RSAD2: variants seen among roughly 807,000 people sequenced by gnomAD.
RSAD2 encodes radical S-adenosyl methionine domain containing 2, also known as S-adenosylmethionine-dependent nucleotide dehydratase RSAD2.
RSAD2 carries 38 observed loss-of-function variants against 37.7 expected under a neutral mutation model. The observed-to-expected ratio is 1.01, with a 90% CI of 0.78 to 1.32. The LOEUF is 1.32. Among genes scored for constraint, RSAD2 ranks in the 40% most tolerant of loss-of-function variants. The pLI is 0.00. For synonymous variants in RSAD2, 163 were observed against 157.4 expected (o/e 1.04, Z -0.27); for missense variants, 428 against 437.5 (o/e 0.98, Z 0.19).
chr2:6,889,067 T>C (rs911799792), intron 3 of RSAD2, among the ~76,000 whole-genome samples: 6 of 152,226 alleles, frequency 3.9e-5, no homozygotes. Flanking sequence ...TCCTACGGCT[T>C]GCTTTTCTCC....
At position 6,896,028 on chromosome 2, in the gene RSAD2, T is replaced by C; in HGVS notation, c.*86T>C. 1 of 1,354,820 alleles carries C rather than the reference T, an allele frequency of 7.4e-7. No individual in the cohort carries two copies. The highest frequency in any genetic ancestry group is 1.0e-6 in the Non-Finnish European group (1 of 990,098). The allele number at this position is 1,354,820 out of a possible 1,614,324, so 83.9% of individuals were successfully genotyped here. On this transcript the variant is annotated 3_prime_UTR_variant, in exon 6 of 6. Transcript: ENST00000382040. ...TGTCTGCAATACTATCCCGTTGGTATTTCCCAGTGGCTGAAAACCTGATTT... is the reference window on the plus strand; with the variant it reads ...TGTCTGCAATACTATCCCGTTGGTACTTCCCAGTGGCTGAAAACCTGATTT...
intron 1 of RSAD2, among the ~76,000 whole-genome samples, chr2:6,867,117 A>T (rs1412635266): frequency 6.6e-6 from 1 of 152,220 alleles, no homozygotes; most frequent in African/African-American, 2.4e-5. Context: ...CTAAGACAGT[A>T]CTGCATCCTC....
At chr2:6,875,189 A>G (rs1663261572), upstream of RSAD2, among the ~76,000 whole-genome samples, 1 of 152,166 alleles carries the variant, frequency 6.6e-6, no homozygotes, top group South Asian at 2.1e-4. Context: ...AGCCCTATGC[A>G]CTGTTTTCAA....
rs117622516 is a variant in RSAD2, at chr2:6,871,329, G to T, written c.142+5284G>T. Among the ~76,000 whole-genome samples the T allele has an allele frequency of 1.4e-3, 217 of 152,086 alleles. 5 individuals carry two copies. In the East Asian group the frequency reaches 0.039, roughly 27 times the overall value. On this transcript the variant is annotated intron_variant, in intron 1 of 5. Coordinates refer to the RSAD2 transcript ENST00000442639. ...CTTCATTCCCTCCTTCCTCTTTCAGGTTTTCACCTAGTTATTTTAAGAAAA... is the reference window on the plus strand; with the variant it reads ...CTTCATTCCCTCCTTCCTCTTTCAGTTTTTCACCTAGTTATTTTAAGAAAA...
intron 2 of RSAD2, among the ~76,000 whole-genome samples, chr2:6,884,176 G>A (rs1271676020): frequency 3.3e-5 from 5 of 152,192 alleles, no homozygotes; most frequent in Admixed American, 2.6e-4. Context: ...AGCTGTTGGA[G>A]CCTTGAAGTC....
chr2:6,895,713 T>A, intron 5 of RSAD2, 65 bp from the exon 6 acceptor site: 1 of 1,410,230 alleles, frequency 7.1e-7, no homozygotes. Flanking sequence ...GGATTAATAG[T>A]CTAGATTGAG....
Position 6,882,696 on chromosome 2 carries a change from C to T in RSAD2, c.347-675C>T, listed in dbSNP as rs903310418. ...TGAATAGAGAGAGATTCCTAGGACACCCGGTCTTGAAATTCCAAAACATTA... is the reference window on the plus strand; with the variant it reads ...TGAATAGAGAGAGATTCCTAGGACATCCGGTCTTGAAATTCCAAAACATTA... On this transcript the variant is annotated intron_variant, in intron 1 of 5. Transcript: ENST00000382040. 2.6e-5 allele frequency among the ~76,000 whole-genome samples: 4 copies of T among 152,200 alleles called. No individual in the cohort carries two copies. The South Asian group carries it at 8.3e-4, about 32-fold the overall frequency.
At chr2:6,877,424 T>C (rs1245321988), upstream of RSAD2, among the ~76,000 whole-genome samples, 3 of 152,170 alleles carry the variant, frequency 2.0e-5, no homozygotes, top group South Asian at 2.1e-4. Flanking sequence ...GAGAAAGCAA[T>C]GCAACAAGTA....
intron 1 of RSAD2, among the ~76,000 whole-genome samples, chr2:6,881,774 G>T (rs941693204): frequency 3.3e-5 from 5 of 151,634 alleles, no homozygotes; most frequent in Non-Finnish European, 1.5e-5. Context: ...AGTGTGTAAC[G>T]CATAGATCCA....
At chr2:6,868,005 T>C (rs545156051) in intron 1 of RSAD2, among the ~76,000 whole-genome samples, 4 of 152,316 alleles carry the variant, frequency 2.6e-5, no homozygotes, top group African/African-American at 9.6e-5. Context: ...TGGATGTTTA[T>C]ATTGACTAAA....
rs1242816097 is a variant in RSAD2 at position 6,865,965 on chromosome 2, C to G, written c.62C>G (p.Ala21Gly). The change falls in exon 1 of 6, where the codon GCG becomes GGG. Residue 21 changes from alanine to glycine, a missense_variant. By Grantham distance (60) the Ala-to-Gly change is moderately conservative (BLOSUM62 0). Transcript: ENST00000442639. ...GCTTGGCCCCGGGGCCCCAGGTGCG[C>G]GGCTCCGCGGGCCTGCGCGGTCCCC... 5 of 1,113,258 alleles carry G rather than the reference C, an allele frequency of 4.5e-6. No homozygotes were observed. The East Asian group carries it at 2.2e-4, about 49-fold the overall frequency. 69.0% of individuals were successfully genotyped at this position (1,113,258 alleles called of 1,614,324 possible). A position where few individuals can be genotyped will look rare whatever the true frequency, so the allele number is the denominator to read the frequency against.
intron 1 of RSAD2, among the ~76,000 whole-genome samples, chr2:6,871,295 A>G (rs1663200342): frequency 6.6e-6 from 1 of 152,204 alleles, no homozygotes; most frequent in African/African-American, 2.4e-5. Flanking sequence ...TTTCTTCACC[A>G]GCTTTATCCT....
At position 6,898,172 on chromosome 2, in the gene RSAD2, G is replaced by T. The variant is rs1663819669; in HGVS notation, c.*2230G>T. 2.0e-5 allele frequency: 3 copies of T among 151,994 alleles called. No homozygotes were observed. Among genetic ancestry groups the T allele is most frequent in the Admixed American group, 2.0e-4 (3 of 15,256 alleles). The allele number at this position is 151,994 out of a possible 1,614,324, so 9.4% of individuals were successfully genotyped here. A position where few individuals can be genotyped will look rare whatever the true frequency, so the allele number is the denominator to read the frequency against. On this transcript the variant is annotated 3_prime_UTR_variant, in exon 6 of 6. Transcript: ENST00000382040. ...AATTTTTTTCTAGCTGAGGGAAACTGTATTTTTCTTTCCCCAAAGAGGAAT... is the reference window on the plus strand; with the variant it reads ...AATTTTTTTCTAGCTGAGGGAAACTTTATTTTTCTTTCCCCAAAGAGGAAT...
At chr2:6,870,925 G>A (rs767610765) in intron 1 of RSAD2, among the ~76,000 whole-genome samples, 2 of 152,188 alleles carry the variant, frequency 1.3e-5, no homozygotes, top group African/African-American at 2.4e-5. Context: ...ATGGTTTGAG[G>A]TGTTGTAATT....
At chr2:6,894,448 T>C (rs1485512768) in intron 5 of RSAD2, among the ~76,000 whole-genome samples, 1 of 152,176 alleles carries the variant, frequency 6.6e-6, no homozygotes. Flanking sequence ...ACTGTCACTT[T>C]TGATGTTTGC....
Position 6,897,650 on chromosome 2 carries a change from T to TG in RSAD2, c.*1709dup, listed in dbSNP as rs1484398220. 3.3e-5 allele frequency: 5 copies of TG among 152,198 alleles called. No individual in the cohort carries two copies. Among genetic ancestry groups the TG allele is most frequent in the African/African-American group, 1.2e-4 (5 of 41,444 alleles). The allele number at this position is 152,198 out of a possible 1,614,324, so 9.4% of individuals were successfully genotyped here. A position where few individuals can be genotyped will look rare whatever the true frequency, so the allele number is the denominator to read the frequency against. ...GGTTTTGATTGTGTCTAAGCTATGA[T>TG]GACCTTCATATAATCAGCATAAACA... On this transcript the variant is annotated 3_prime_UTR_variant, in exon 6 of 6. Transcript: ENST00000382040.
chr2:6,891,594 C>T (rs945177042), intron 4 of RSAD2, among the ~76,000 whole-genome samples: 46 of 152,204 alleles, frequency 3.0e-4, no homozygotes, highest in African/African-American at 9.9e-4. Flanking sequence ...AGTGAAACCC[C>T]ATCTCTACTG....
intron 4 of RSAD2, 104 bp from the exon 5 acceptor site, chr2:6,893,567 G>T: frequency 1.1e-6 from 1 of 910,798 alleles, no homozygotes. Context: ...AATGAGAAAT[G>T]CTGGATCCAA....
chr2:6,878,073 C>T lies in RSAD2; in HGVS notation c.273C>T (p.Phe91=), dbSNP rs1447795151. ...RQCNYKCGFC[F]HTAKTSFVLP... is the part of the protein sequence containing the mutation. The stretch of plus-strand genomic sequence containing the variant: ...GCAACTACAAATGCGGCTTCTGTTT[C>T]CACACAGCCAAAACATCCTTTGTGC... Residue 91 remains phenylalanine, a synonymous_variant, in exon 1 of 6, where the codon TTC becomes TTT. Coordinates refer to ENST00000382040, the MANE Select transcript of RSAD2 (RefSeq NM_080657.5). 6.2e-7 allele frequency: 1 copy of T among 1,614,190 alleles called. No individual in the cohort carries two copies. The highest frequency in any genetic ancestry group is 1.1e-5 in the South Asian group (1 of 91,076).
Sources: allele counts gnomAD v4.1 joint callset (sites outside exome capture counted in the v4.1 genomes callset), GRCh38; gene constraint gnomAD v4.1.1; transcripts MANE v1.5; gene names NCBI Gene and HGNC (gene_info 2026-07-23, HGNC 2026-07-21).